The following PDE10A variants were observed in gnomAD, a reference collection of about 807,000 sequenced individuals.
PDE10A encodes the protein phosphodiesterase 10A, also known as cAMP and cAMP-inhibited cGMP 3',5'-cyclic phosphodiesterase 10A.
In PDE10A, 39 loss-of-function variants were observed where a neutral mutation model predicts 97.7. The ratio of observed to expected loss-of-function variants is 0.40; its 90% CI spans 0.31 to 0.52. PDE10A has a LOEUF of 0.52. Among genes scored for constraint, PDE10A ranks in the 20% least tolerant of loss-of-function variants. PDE10A has a pLI of 0.56. For synonymous variants in PDE10A, 371 were observed against 376.8 expected, an observed-to-expected ratio of 0.98 and a Z score of 0.18; for missense variants, 731 against 1,047.8, an observed-to-expected ratio of 0.70 and a Z score of 4.17.
intron 1 of PDE10A, among the ~76,000 whole-genome samples, chr6:165,979,043 A>C (rs1282458255): frequency 1.3e-5 from 2 of 152,230 alleles, no homozygotes; most frequent in Non-Finnish European, 2.9e-5. Context: ...AATTTCATTC[A>C]GATGTCAACT....
At chr6:165,795,434 A>G (rs920039109) in intron 1 of PDE10A, among the ~76,000 whole-genome samples, 1 of 152,078 alleles carries the variant, frequency 6.6e-6, no homozygotes, top group African/African-American at 2.4e-5. Flanking sequence ...TGGCATAAAA[A>G]TGGGTCAAGG....
chr6:165,882,052 A>G (rs1187086391), intron 1 of PDE10A, among the ~76,000 whole-genome samples: 2 of 152,196 alleles, frequency 1.3e-5, no homozygotes, highest in African/African-American at 4.8e-5. Context: ...TTCGTCAGAC[A>G]CCAGTCACGT....
chr6:165,976,342 C>G (rs930130778), intron 1 of PDE10A, among the ~76,000 whole-genome samples: 2 of 152,102 alleles, frequency 1.3e-5, no homozygotes, highest in African/African-American at 4.8e-5. Context: ...TCTTTGTATA[C>G]CTAAATCTCA....
At chr6:165,696,541 C>G (rs1791448929) in intron 1 of PDE10A, among the ~76,000 whole-genome samples, 1 of 151,804 alleles carries the variant, frequency 6.6e-6, no homozygotes, top group South Asian at 2.1e-4. Flanking sequence ...TAGGGATCCA[C>G]TGGGGGGGTC....
At chr6:165,927,647 C>CATATATATAT (rs71029572) in intron 1 of PDE10A, among the ~76,000 whole-genome samples, 4,864 of 72,652 alleles carry the variant, frequency 0.067, 256 homozygotes, top group Non-Finnish European at 0.075. Context: ...ATGAGAATGA[C>CATATATATAT]ATATATATAT....
rs549669252 is a variant in PDE10A at position 165,418,623 on chromosome 6, T to C, written c.1796+12A>G. 3 of 1,610,330 alleles carry C rather than the reference T, an allele frequency of 1.9e-6. No individual in the cohort carries two copies. In the Admixed American group the frequency reaches 5.0e-5, roughly 27 times the overall value. ...ACCGTAAGAGGATAGGACATTCTAC[T>C]TCTAGCTGTACCTTATCTCTTTGGT... On this transcript the variant is annotated intron_variant, in intron 11 of 21. Transcript: ENST00000539869. The surrounding 1 kb of genome is among the most constrained non-coding windows in gnomAD (Gnocchi z 4.8).
At chr6:165,731,356 G>A (rs1005283351) in intron 1 of PDE10A, among the ~76,000 whole-genome samples, 4 of 152,150 alleles carry the variant, frequency 2.6e-5, no homozygotes, top group African/African-American at 9.7e-5. Context: ...AGCTCCAGGG[G>A]CAGGTTCTGG....
intron 2 of PDE10A, among the ~76,000 whole-genome samples, chr6:165,497,291 CAGTG>C (rs1474556963): frequency 6.6e-6 from 1 of 152,156 alleles, no homozygotes; most frequent in Non-Finnish European, 1.5e-5. Flanking sequence ...CCATCACCAT[CAGTG>C]AGAGTAACAC....
intron 3 of PDE10A, among the ~76,000 whole-genome samples, chr6:165,460,389 T>G (rs1778248899): frequency 6.6e-6 from 1 of 152,164 alleles, no homozygotes; most frequent in Non-Finnish European, 1.5e-5. Flanking sequence ...CTCCTGATTG[T>G]GCCATATGTG....
intron 1 of PDE10A, among the ~76,000 whole-genome samples, chr6:165,641,573 T>C (rs1487275408): frequency 6.6e-6 from 1 of 152,204 alleles, no homozygotes; most frequent in Non-Finnish European, 1.5e-5. Context: ...TCACCCATGA[T>C]AACCCACAGT....
chr6:165,459,046 G>A (rs947590886), intron 3 of PDE10A, among the ~76,000 whole-genome samples: 1 of 152,052 alleles, frequency 6.6e-6, no homozygotes, highest in Admixed American at 6.6e-5. Context: ...TGATACTTTT[G>A]AAGAATATAG....
intron 1 of PDE10A, among the ~76,000 whole-genome samples, chr6:165,578,580 C>G (rs1053976273): frequency 2.0e-5 from 3 of 152,198 alleles, no homozygotes; most frequent in Non-Finnish European, 2.9e-5. Flanking sequence ...CCGCTACTCT[C>G]CCCATTCCTA....
At chr6:165,514,871 A>G (rs1047046006) in intron 2 of PDE10A, among the ~76,000 whole-genome samples, 3 of 152,200 alleles carry the variant, frequency 2.0e-5, no homozygotes, top group Non-Finnish European at 4.4e-5. Flanking sequence ...ATTGCCTTTG[A>G]ATGATGTCCA....
intron 1 of PDE10A, among the ~76,000 whole-genome samples, chr6:165,677,668 T>C (rs1385439791): frequency 1.3e-5 from 2 of 152,234 alleles, no homozygotes; most frequent in Admixed American, 6.5e-5. Context: ...ATCAGGGACT[T>C]GAACGTCGGT....
intron 1 of PDE10A, among the ~76,000 whole-genome samples, chr6:165,697,407 A>G (rs1791466991): frequency 6.6e-6 from 1 of 152,260 alleles, no homozygotes; most frequent in Non-Finnish European, 1.5e-5. Context: ...GCTGTAATAA[A>G]AAACTAAAGG....
chr6:165,509,594 T>A (rs1420204586), intron 2 of PDE10A, among the ~76,000 whole-genome samples: 3 of 151,896 alleles, frequency 2.0e-5, no homozygotes, highest in African/African-American at 7.2e-5. Context: ...GGATTTTTTT[T>A]TTTTATTTTT....
At chr6:165,565,932 A>G (rs765187870) in intron 1 of PDE10A, among the ~76,000 whole-genome samples, 2 of 152,228 alleles carry the variant, frequency 1.3e-5, no homozygotes, top group Non-Finnish European at 2.9e-5. Flanking sequence ...GAAATTAAAT[A>G]AAAATGGATC....
intron 7 of PDE10A, 59 bp from the exon 8 acceptor site, chr6:165,431,531 CTATATATAATAT>C: frequency 1.8e-6 from 1 of 569,438 alleles, no homozygotes; most frequent in South Asian, 2.6e-5. Context: ...TATATATATA[CTATATATAATAT>C]ACTATATATC....
intron 1 of PDE10A, among the ~76,000 whole-genome samples, chr6:165,585,681 G>C (rs1412291173): frequency 6.6e-6 from 1 of 152,116 alleles, no homozygotes; most frequent in Non-Finnish European, 1.5e-5. Flanking sequence ...CCTGATTCCA[G>C]ACTTCTCTTC....
Sources: allele counts gnomAD v4.1 joint callset (sites outside exome capture counted in the v4.1 genomes callset), GRCh38; gene constraint gnomAD v4.1.1; non-coding constraint Gnocchi (gnomAD v3.1); transcripts MANE v1.5; gene names NCBI Gene and HGNC (gene_info 2026-07-23, HGNC 2026-07-21).